Variants in LRP1B observed in about 807,000 individuals in gnomAD.
The protein encoded by LRP1B is LDL receptor related protein 1B.
Under a neutral mutation model 556.6 loss-of-function variants are expected in LRP1B, and 217 were observed. The observed-to-expected ratio is 0.39, with a 90% CI of 0.35 to 0.44. LRP1B has a LOEUF of 0.44. Among genes scored for constraint, LRP1B ranks in the 20% least tolerant of loss-of-function variants. LRP1B has a pLI of 1.00. For missense variants in LRP1B, 5,053 were observed against 5,620.8 expected (o/e 0.90, Z 3.23); for synonymous variants, 2,047 against 1,865.8 (o/e 1.10, Z -2.50).
intron 7 of LRP1B, among the ~76,000 whole-genome samples, chr2:141,106,542 G>A (rs1268531617): frequency 0.017 from 2,522 of 151,896 alleles, 37 homozygotes; most frequent in South Asian, 0.028. Context: ...GAAGTAAATA[G>A]ACATGTCTGG....
intron 1 of LRP1B, among the ~76,000 whole-genome samples, chr2:141,845,722 A>G (rs1697623194): frequency 6.6e-6 from 1 of 151,972 alleles, no homozygotes; most frequent in South Asian, 2.1e-4. Context: ...AAACACTGAA[A>G]ATGAAAGACA....
intron 2 of LRP1B, among the ~76,000 whole-genome samples, chr2:141,760,797 C>T (rs1029626674): frequency 4.6e-5 from 7 of 152,182 alleles, no homozygotes; most frequent in South Asian, 4.1e-4. Flanking sequence ...TTCTTACAGA[C>T]GATGGCTAAC....
chr2:141,703,315 T>C (rs909746762), intron 2 of LRP1B, among the ~76,000 whole-genome samples: 32 of 151,980 alleles, frequency 2.1e-4, no homozygotes, highest in African/African-American at 7.5e-4. Context: ...CTGTGCTTAC[T>C]GTTTGGTGAT....
intron 1 of LRP1B, among the ~76,000 whole-genome samples, chr2:141,966,723 C>T (rs1316937327): frequency 3.3e-5 from 5 of 151,584 alleles, no homozygotes; most frequent in African/African-American, 1.2e-4. Flanking sequence ...TGGTTGAAGG[C>T]CCTGGAATCT....
chr2:141,446,949 A>G (rs1681216690), intron 3 of LRP1B, among the ~76,000 whole-genome samples: 1 of 152,080 alleles, frequency 6.6e-6, no homozygotes. Context: ...CTGAATTTGA[A>G]TGTTGGCATG....
intron 6 of LRP1B, among the ~76,000 whole-genome samples, chr2:141,213,892 C>A (rs61660156): frequency 0.077 from 11,637 of 151,980 alleles, 487 homozygotes; most frequent in East Asian, 0.15. Flanking sequence ...CTTTGAGGAC[C>A]TGCTGTGTTT....
intron 1 of LRP1B, among the ~76,000 whole-genome samples, chr2:141,944,489 C>T (rs1574516176): frequency 6.6e-6 from 1 of 152,094 alleles, no homozygotes; most frequent in East Asian, 1.9e-4. Flanking sequence ...ACAGAAAACA[C>T]GTCCCAAATG....
At chr2:141,211,306 A>T (rs201486715) in intron 6 of LRP1B, among the ~76,000 whole-genome samples, 6,568 of 145,210 alleles carry the variant, frequency 0.045, 162 homozygotes, top group South Asian at 0.1. Context: ...TTTTTTTTTA[A>T]AAAAAAAAAA....
intron 2 of LRP1B, among the ~76,000 whole-genome samples, chr2:141,493,751 T>G (rs114329494): frequency 0.028 from 4,202 of 152,246 alleles, 96 homozygotes; most frequent in Non-Finnish European, 0.037. Flanking sequence ...TCATATTTTA[T>G]TAACCGTTAT....
chr2:140,520,276 T>C (rs1482178050), intron 49 of LRP1B, among the ~76,000 whole-genome samples: 1 of 152,100 alleles, frequency 6.6e-6, no homozygotes, highest in East Asian at 1.9e-4. Flanking sequence ...TATGCAACCA[T>C]AGAAAAGGAT....
intron 1 of LRP1B, among the ~76,000 whole-genome samples, chr2:141,871,048 G>T (rs1170594783): frequency 2.5e-4 from 38 of 151,668 alleles, no homozygotes; most frequent in Non-Finnish European, 4.9e-4. Context: ...GATCATTCTG[G>T]ATGTTAAGAC....
intron 46 of LRP1B, among the ~76,000 whole-genome samples, chr2:140,535,121 G>T (rs1166558653): frequency 6.6e-6 from 1 of 152,046 alleles, no homozygotes; most frequent in East Asian, 1.9e-4. Flanking sequence ...AACAACAGAG[G>T]ATATGTGACA....
intron 31 of LRP1B, among the ~76,000 whole-genome samples, chr2:140,837,095 A>T (rs986075943): frequency 1.3e-5 from 2 of 152,114 alleles, no homozygotes; most frequent in Non-Finnish European, 2.9e-5. Flanking sequence ...AGTCTATTGG[A>T]CCTAATGTAC....
At chr2:141,640,233 C>G (rs978001465) in intron 2 of LRP1B, among the ~76,000 whole-genome samples, 2 of 152,140 alleles carry the variant, frequency 1.3e-5, no homozygotes, top group African/African-American at 4.8e-5. Flanking sequence ...ACTCGTAAAA[C>G]TATCAAGTGT....
intron 2 of LRP1B, among the ~76,000 whole-genome samples, chr2:141,723,129 G>A (rs73963553): frequency 2.0e-4 from 31 of 151,868 alleles, no homozygotes; most frequent in African/African-American, 7.5e-4. Flanking sequence ...TTTCAAAATC[G>A]TTGTTGACCT....
intron 3 of LRP1B, among the ~76,000 whole-genome samples, chr2:141,378,353 C>T (rs1159471961): frequency 2.6e-5 from 4 of 151,906 alleles, no homozygotes; most frequent in Admixed American, 6.6e-5. Context: ...ACGAGTAAAA[C>T]TACAGGAAAA....
At chr2:140,346,861 C>T (rs1174974125) in intron 77 of LRP1B, among the ~76,000 whole-genome samples, 1 of 151,862 alleles carries the variant, frequency 6.6e-6, no homozygotes, top group Non-Finnish European at 1.5e-5. Context: ...ATGGCCTAAT[C>T]AACTTTTTAA....
chr2:141,677,723 G>T (rs557156027), intron 2 of LRP1B, among the ~76,000 whole-genome samples: 2 of 152,146 alleles, frequency 1.3e-5, no homozygotes, highest in East Asian at 3.9e-4. Context: ...TCCTGACCTC[G>T]GGTGATCCGC....
At chr2:140,381,864 A>G (rs1346441237) in intron 67 of LRP1B, among the ~76,000 whole-genome samples, 2 of 110,194 alleles carry the variant, frequency 1.8e-5, no homozygotes, top group Non-Finnish European at 3.7e-5. Flanking sequence ...TCCCTTTCAA[A>G]AAAAAAAAAA....
Sources: allele counts gnomAD v4.1 joint callset (sites outside exome capture counted in the v4.1 genomes callset), GRCh38; gene constraint gnomAD v4.1.1; transcripts MANE v1.5; gene names NCBI Gene and HGNC (gene_info 2026-07-23, HGNC 2026-07-21).